The following BTRC variants were observed in gnomAD, a reference collection of about 807,000 sequenced individuals.
BTRC encodes the protein beta-transducin repeat containing E3 ubiquitin protein ligase, also known as F-box/WD repeat-containing protein 1A.
A neutral mutation model predicts 85.5 loss-of-function variants in BTRC; 42 were observed. The observed-to-expected ratio is 0.49, with a 90% confidence interval of 0.38 to 0.64. BTRC has a LOEUF of 0.64. Among genes scored for constraint, BTRC ranks in the 30% least tolerant of loss-of-function variants. The pLI is 0.00. For synonymous variants in BTRC, 255 were observed against 263.3 expected (o/e 0.97, Z 0.30); for missense variants, 594 against 743.5 (o/e 0.80, Z 2.34).
intron 1 of BTRC, among the ~76,000 whole-genome samples, chr10:101,357,205 G>A (rs1942062107): frequency 6.6e-6 from 1 of 151,576 alleles, no homozygotes; most frequent in Admixed American, 6.6e-5. Context: ...CACTTTGGGA[G>A]GCTGAGGCGG....
intron 13 of BTRC, among the ~76,000 whole-genome samples, 181 bp from the exon 14 acceptor site, chr10:101,550,518 G>A (rs1387073136): frequency 6.6e-6 from 1 of 152,054 alleles, no homozygotes; most frequent in African/African-American, 2.4e-5. Flanking sequence ...TCCTGACCTC[G>A]TGATCCGCAT....
rs551375021 is a variant in BTRC at position 101,392,397 on chromosome 10, G to A, written c.49-37948G>A. ...GTGGAATTCCCAATCTTCAGTAAGT[G>A]ACATTTAACCATTTAACATCAGATT... On this transcript the variant is annotated intron_variant, in intron 1 of 14. Coordinates refer to ENST00000370187, the MANE Select transcript of BTRC (RefSeq NM_033637.4). 1.6e-4 allele frequency among the ~76,000 whole-genome samples: 25 copies of A among 152,298 alleles called. No individual in the cohort carries two copies. In the East Asian group the frequency reaches 4.8e-3, roughly 29 times the overall value.
chr10:101,365,514 T>C (rs1942346098), intron 1 of BTRC, among the ~76,000 whole-genome samples: 1 of 152,064 alleles, frequency 6.6e-6, no homozygotes, highest in South Asian at 2.1e-4. Context: ...TCGCTCTTGT[T>C]GCACAGGCTG....
intron 1 of BTRC, among the ~76,000 whole-genome samples, chr10:101,365,740 G>A (rs890166973): frequency 6.6e-6 from 1 of 152,176 alleles, no homozygotes; most frequent in Non-Finnish European, 1.5e-5. Flanking sequence ...GCCTCCCAAA[G>A]TGCTGGGATT....
chr10:101,551,856 T>G (rs2062656032), intron 14 of BTRC, among the ~76,000 whole-genome samples: 1 of 152,160 alleles, frequency 6.6e-6, no homozygotes, highest in Admixed American at 6.5e-5. Flanking sequence ...AATCTCTTGA[T>G]GAGTAACGTG....
chr10:101,399,225 G>A (rs1943437459), intron 1 of BTRC, among the ~76,000 whole-genome samples: 1 of 151,854 alleles, frequency 6.6e-6, no homozygotes, highest in Admixed American at 6.6e-5. Context: ...AAAGTGCTGG[G>A]ATTACAGGCG....
chr10:101,359,086 C>T (rs1006298126), intron 1 of BTRC, among the ~76,000 whole-genome samples: 6 of 151,988 alleles, frequency 3.9e-5, no homozygotes, highest in East Asian at 1.9e-4. Flanking sequence ...TGATCTCCTG[C>T]GTGACTTCCC....
At chr10:101,398,331 C>G (rs1054698225) in intron 1 of BTRC, among the ~76,000 whole-genome samples, 2 of 151,248 alleles carry the variant, frequency 1.3e-5, no homozygotes, top group Admixed American at 1.3e-4. Context: ...TTTTTTGAGA[C>G]GGACTCTTGC....
intron 1 of BTRC, among the ~76,000 whole-genome samples, chr10:101,407,340 T>A (rs548605250): frequency 7.9e-5 from 12 of 152,188 alleles, no homozygotes; most frequent in Non-Finnish European, 1.5e-4. Flanking sequence ...AATGAGACCA[T>A]GTCTCTTACA....
At chr10:101,380,837 G>T (rs1194089674) in intron 1 of BTRC, among the ~76,000 whole-genome samples, 1 of 152,184 alleles carries the variant, frequency 6.6e-6, no homozygotes, top group Non-Finnish European at 1.5e-5. Flanking sequence ...TTAAGTGGTT[G>T]TGTGAGCTTC....
intron 4 of BTRC, among the ~76,000 whole-genome samples, chr10:101,494,169 G>C (rs1440554354): frequency 6.6e-6 from 1 of 152,202 alleles, no homozygotes; most frequent in Non-Finnish European, 1.5e-5. Context: ...AATGTGGCCA[G>C]GTTAATGTGA....
chr10:101,396,862 G>A (rs771965924), intron 1 of BTRC, among the ~76,000 whole-genome samples: 17 of 151,674 alleles, frequency 1.1e-4, no homozygotes, highest in South Asian at 4.2e-4. Context: ...GAGTGCAGTG[G>A]CATGATCTTG....
In BTRC at chr10:101,355,554, G is replaced by A. The variant is rs905633185; in HGVS notation, c.48+1326G>A. On this transcript the variant is annotated intron_variant, in intron 1 of 14. Transcript: ENST00000370187. ...AATGCATAGATTTTAAGCTTAACAG[G>A]TGGCCTTAGGGACATTGATATTATT... is the stretch of plus-strand genomic sequence containing the variant. 2.0e-5 allele frequency among the ~76,000 whole-genome samples: 3 copies of A among 152,078 alleles called. No individual in the cohort carries two copies. In the South Asian group the frequency reaches 6.2e-4, roughly 31 times the overall value.
At chr10:101,376,298 A>G (rs1340920247) in intron 1 of BTRC, among the ~76,000 whole-genome samples, 2 of 152,178 alleles carry the variant, frequency 1.3e-5, no homozygotes, top group East Asian at 1.9e-4. Context: ...GCACTCCAGC[A>G]TGTGTGACAG....
chr10:101,482,001 G>C (rs1304714324), intron 4 of BTRC, among the ~76,000 whole-genome samples: 1 of 152,156 alleles, frequency 6.6e-6, no homozygotes, highest in African/African-American at 2.4e-5. Flanking sequence ...GGTACCCATA[G>C]CATGAGAATA....
At chr10:101,395,120 CTAGGTGGCAT>C (rs1240106289) in intron 1 of BTRC, among the ~76,000 whole-genome samples, 2 of 152,120 alleles carry the variant, frequency 1.3e-5, no homozygotes, top group Non-Finnish European at 2.9e-5. Context: ...GTCATTATCA[CTAGGTGGCAT>C]TTGCTTGGGG....
At chr10:101,527,869 G>A (rs1037274516) in intron 6 of BTRC, among the ~76,000 whole-genome samples, 4 of 147,832 alleles carry the variant, frequency 2.7e-5, no homozygotes, top group South Asian at 4.3e-4. Context: ...TTCTTATTTC[G>A]CTACATAGAA....
chr10:101,357,455 A>G (rs1036551130), intron 1 of BTRC, among the ~76,000 whole-genome samples: 3 of 151,664 alleles, frequency 2.0e-5, no homozygotes, highest in African/African-American at 7.3e-5. Context: ...AAAAAAAAAA[A>G]AAAAAAGGAA....
intron 1 of BTRC, among the ~76,000 whole-genome samples, chr10:101,361,763 A>C (rs557259355): frequency 6.6e-6 from 1 of 152,340 alleles, no homozygotes; most frequent in South Asian, 2.1e-4. Context: ...CAGAAGACTC[A>C]GAGATAAACA....
Sources: gnomAD v4.1 joint callset for allele counts (sites outside exome capture counted in the v4.1 genomes callset) on GRCh38, gnomAD v4.1.1 for gene constraint, MANE v1.5 for transcripts, NCBI Gene and HGNC (gene_info 2026-07-23, HGNC 2026-07-21) for gene names.